DOCK2: variants seen among roughly 807,000 people sequenced by gnomAD.
DOCK2 encodes dedicator of cytokinesis 2, also known as dedicator of cytokinesis protein 2.
In DOCK2, 87 loss-of-function variants were observed where a neutral mutation model predicts 248.9. The ratio of observed to expected loss-of-function variants is 0.35; its 90% CI spans 0.29 to 0.42. The LOEUF (loss-of-function observed/expected upper bound fraction) is 0.42. DOCK2 is among the 10% of genes least tolerant of loss of function. The probability of loss-of-function intolerance (pLI) is 1.00; values close to 1 mark genes in which losing one functional copy is unlikely to be tolerated. For missense variants in DOCK2, 1,747 were observed against 2,300.2 expected (o/e 0.76, Z 4.92); for synonymous variants, 805 against 821.6 (o/e 0.98, Z 0.35).
intron 13 of DOCK2, 57 bp downstream of exon 13, chr5:169,700,196 C>A: frequency 1.3e-6 from 2 of 1,570,956 alleles, no homozygotes; most frequent in South Asian, 2.4e-5. Context: ...TTCAGCTTGT[C>A]TAATTCATTT....
intron 28 of DOCK2, 58 bp from the exon 29 acceptor site, chr5:169,985,770 A>T: frequency 6.8e-7 from 1 of 1,462,000 alleles, no homozygotes; most frequent in African/African-American, 1.4e-5. Context: ...TGAAGAGCCA[A>T]CAAGCTCTGA....
intron 2 of DOCK2, among the ~76,000 whole-genome samples, chr5:169,658,477 C>T (rs1436884470): frequency 2.5e-5 from 1 of 39,428 alleles, no homozygotes; most frequent in Non-Finnish European, 5.2e-5. Context: ...AAGCCTCCGT[C>T]TCAAAAAAAA....
chr5:169,993,085 T>G (rs1250699436), intron 29 of DOCK2, among the ~76,000 whole-genome samples: 1 of 152,204 alleles, frequency 6.6e-6, no homozygotes, highest in Non-Finnish European at 1.5e-5. Context: ...TTTGATATTG[T>G]ATTCAAGTTT....
rs535015250 is a variant in DOCK2 at position 169,777,342 on chromosome 5, G to A, written c.2554+15717G>A. The stretch of plus-strand genomic sequence containing the variant: ...GCAGGGGGTGTGTCTGTGTGTGGAC[G>A]TTCCCTGCAATACCAAGCACTTAAA... On this transcript the variant is annotated intron_variant, in intron 25 of 51. Coordinates refer to ENST00000520908, the MANE Select transcript of DOCK2 (RefSeq NM_004946.3). Among the ~76,000 whole-genome samples the A allele has an allele frequency of 5.9e-5, 9 of 152,274 alleles. No homozygotes were observed. The South Asian group carries it at 8.3e-4, about 14-fold the overall frequency.
chr5:170,077,576 C>A, intron 47 of DOCK2, 134 bp from the exon 48 acceptor site: 1 of 1,315,674 alleles, frequency 7.6e-7, no homozygotes, highest in Non-Finnish European at 1.0e-6. Context: ...CCTCAGCCAG[C>A]CAGGAACTTT....
chr5:169,833,175 C>A (rs1323542556), intron 26 of DOCK2, among the ~76,000 whole-genome samples: 59 of 152,252 alleles, frequency 3.9e-4, no homozygotes, highest in African/African-American at 1.3e-3. Context: ...TTTTTGAAAC[C>A]TTAGACATTT....
intron 27 of DOCK2, among the ~76,000 whole-genome samples, chr5:169,858,966 A>G (rs1771031796): frequency 6.6e-6 from 1 of 152,198 alleles, no homozygotes; most frequent in Non-Finnish European, 1.5e-5. Context: ...GTGAGCTATG[A>G]TAGTGCCACT....
chr5:170,010,490 G>T (rs1384979235), intron 32 of DOCK2, among the ~76,000 whole-genome samples: 1 of 152,194 alleles, frequency 6.6e-6, no homozygotes, highest in South Asian at 2.1e-4. Context: ...GCCTGCGGCA[G>T]AGTGAAACTG....
At chr5:169,961,173 T>C (rs1215584062) in intron 27 of DOCK2, among the ~76,000 whole-genome samples, 2 of 152,214 alleles carry the variant, frequency 1.3e-5, no homozygotes, top group Non-Finnish European at 2.9e-5. Context: ...TCATTGGCCA[T>C]AGATGAGGGG....
At chr5:169,846,180 G>T (rs1439141677) in intron 27 of DOCK2, among the ~76,000 whole-genome samples, 3 of 152,106 alleles carry the variant, frequency 2.0e-5, no homozygotes, top group African/African-American at 7.2e-5. Flanking sequence ...GAAATCCCAG[G>T]AGGGCCCCAA....
intron 35 of DOCK2, among the ~76,000 whole-genome samples, chr5:170,035,290 C>T (rs1239211979): frequency 6.6e-6 from 1 of 152,180 alleles, no homozygotes; most frequent in Non-Finnish European, 1.5e-5. Flanking sequence ...GACCAAAAGG[C>T]CACGTGACAT....
At position 169,755,960 on chromosome 5, in the gene DOCK2, G is replaced by A. The variant is rs75076748; in HGVS notation, c.2377-3745G>A. Among the ~76,000 whole-genome samples, 445 of 152,264 alleles carry A rather than the reference G, an allele frequency of 2.9e-3. 20 individuals carry two copies. In the East Asian group the frequency reaches 0.07, roughly 24 times the overall value. ...CATAGACAGAAGTCCTCTGACAAAT[G>A]CTGACCGTGACAACAGTCTTGGCAA... On this transcript the variant is annotated intron_variant, in intron 23 of 51. Transcript: ENST00000520908.
chr5:169,883,854 A>G, intron 27 of DOCK2: 1 of 1,533,688 alleles, frequency 6.5e-7, no homozygotes, highest in Non-Finnish European at 8.8e-7. Flanking sequence ...CTAGACTGTT[A>G]CGCTTTAGAA....
intron 27 of DOCK2, among the ~76,000 whole-genome samples, chr5:169,958,258 C>G (rs1776947014): frequency 6.6e-6 from 1 of 152,048 alleles, no homozygotes. Context: ...CCCATTTATA[C>G]TTTACTGCAC....
intron 27 of DOCK2, among the ~76,000 whole-genome samples, chr5:169,970,613 A>T (rs1269413597): frequency 6.6e-6 from 1 of 152,212 alleles, no homozygotes; most frequent in Non-Finnish European, 1.5e-5. Flanking sequence ...CTTGCAGGGT[A>T]GTTCCCAAGA....
intron 33 of DOCK2, among the ~76,000 whole-genome samples, chr5:170,027,616 C>G (rs1755964653): frequency 2.0e-5 from 3 of 152,218 alleles, no homozygotes; most frequent in Admixed American, 1.3e-4. Context: ...CTCTCCTGCA[C>G]TCGCGCTCTC....
At chr5:169,677,622 G>A (rs537965375) in intron 6 of DOCK2, among the ~76,000 whole-genome samples, 26 of 152,222 alleles carry the variant, frequency 1.7e-4, no homozygotes, top group African/African-American at 5.3e-4. Context: ...TGTCCTTTCC[G>A]TCTTCAAAGA....
intron 25 of DOCK2, among the ~76,000 whole-genome samples, chr5:169,795,606 G>A (rs879517226): frequency 4.6e-5 from 7 of 152,296 alleles, no homozygotes; most frequent in Non-Finnish European, 8.8e-5. Flanking sequence ...CCCAGTGGGC[G>A]GAATTAGTTT....
At chr5:169,889,923 A>T (rs1019096180) in intron 27 of DOCK2, among the ~76,000 whole-genome samples, 5 of 152,236 alleles carry the variant, frequency 3.3e-5, no homozygotes, top group African/African-American at 9.6e-5. Context: ...TTGTTTGCTG[A>T]CACATTGCCG....
Sources: allele counts gnomAD v4.1 joint callset (sites outside exome capture counted in the v4.1 genomes callset), GRCh38; gene constraint gnomAD v4.1.1; transcripts MANE v1.5; gene names NCBI Gene and HGNC (gene_info 2026-07-23, HGNC 2026-07-21).